STX8: variants seen among roughly 807,000 people sequenced by gnomAD.
The protein encoded by STX8 is syntaxin 8, also known as syntaxin-8.
STX8 carries 23 observed loss-of-function variants against 37.5 expected under a neutral mutation model. The observed-to-expected ratio is 0.61, with a 90% CI of 0.44 to 0.87. The LOEUF (loss-of-function observed/expected upper bound fraction) is 0.87. Ranked by LOEUF, STX8 falls within the 40% of genes least tolerant of loss-of-function variation. The probability of loss-of-function intolerance (pLI) is 0.00; values close to 1 mark genes in which losing one functional copy is unlikely to be tolerated. For synonymous variants in STX8, 115 were observed against 99.1 expected (o/e 1.16, Z -0.95); for missense variants, 313 against 284.7 (o/e 1.10, Z -0.71).
chr17:9,506,973 C>T (rs764385580), intron 4 of STX8, among the ~76,000 whole-genome samples: 1 of 151,958 alleles, frequency 6.6e-6, no homozygotes, highest in Non-Finnish European at 1.5e-5. Flanking sequence ...ACCCAGGGCT[C>T]GGGAATGGCT....
At position 9,535,740 on chromosome 17, in the gene STX8, T is replaced by C. The variant is rs571580365; in HGVS notation, c.323+9432A>G. 3.3e-5 allele frequency among the ~76,000 whole-genome samples: 5 copies of C among 152,172 alleles called. No homozygotes were observed. In the East Asian group the frequency reaches 5.8e-4, roughly 18 times the overall value. On this transcript the variant is annotated intron_variant, in intron 4 of 7. Transcript: ENST00000306357. ...AGCCATCGTGCCCATCCTCCAGCCA[T>C]CCTACTTCTAAGAACTCACCTAGAG...
chr17:9,288,624 T>C (rs1440289307), intron 7 of STX8, among the ~76,000 whole-genome samples: 2 of 152,000 alleles, frequency 1.3e-5, no homozygotes, highest in South Asian at 2.1e-4. Flanking sequence ...ATCGCGCCAC[T>C]GCACTCCAGC....
intron 7 of STX8, among the ~76,000 whole-genome samples, chr17:9,284,665 T>C (rs187922189): frequency 6.6e-6 from 1 of 152,214 alleles, no homozygotes; most frequent in African/African-American, 2.4e-5. Flanking sequence ...ACATACTTTT[T>C]GAAATAATCA....
chr17:9,298,338 G>A (rs1908641308), intron 7 of STX8, among the ~76,000 whole-genome samples: 1 of 152,128 alleles, frequency 6.6e-6, no homozygotes, highest in Non-Finnish European at 1.5e-5. Context: ...CCCAGCCCTG[G>A]CACCCACAGG....
At chr17:9,279,277 G>A (rs527256848) in intron 7 of STX8, among the ~76,000 whole-genome samples, 140 of 152,008 alleles carry the variant, frequency 9.2e-4, no homozygotes, top group African/African-American at 3.0e-3. Flanking sequence ...GGCTGGTCTC[G>A]AACTCCTGAC....
At chr17:9,526,614 G>A (rs1905579876) in intron 4 of STX8, among the ~76,000 whole-genome samples, 1 of 152,230 alleles carries the variant, frequency 6.6e-6, no homozygotes, top group African/African-American at 2.4e-5. Context: ...GCTCACGCCT[G>A]TAATCCCAGC....
chr17:9,329,828 A>G (rs150849548), intron 7 of STX8, among the ~76,000 whole-genome samples: 1 of 152,200 alleles, frequency 6.6e-6, no homozygotes, highest in Non-Finnish European at 1.5e-5. Context: ...ATGAGGGAAT[A>G]AGGCAGCTGT....
chr17:9,530,074 A>G (rs977767702), intron 4 of STX8, among the ~76,000 whole-genome samples: 2 of 152,054 alleles, frequency 1.3e-5, no homozygotes, highest in Admixed American at 6.6e-5. Flanking sequence ...TTGGGAGGCT[A>G]AGGCGGGCGG....
At chr17:9,473,813 T>A (rs1905983201) in intron 6 of STX8, among the ~76,000 whole-genome samples, 1 of 152,212 alleles carries the variant, frequency 6.6e-6, no homozygotes, top group South Asian at 2.1e-4. Context: ...GCTAGACGTG[T>A]CTTTTGTTAT....
intron 7 of STX8, among the ~76,000 whole-genome samples, chr17:9,353,941 A>T (rs1275822240): frequency 6.6e-6 from 1 of 152,202 alleles, no homozygotes; most frequent in Non-Finnish European, 1.5e-5. Context: ...AAAGGTTATA[A>T]TAAAAACCAG....
At chr17:9,488,776 A>G (rs1320996656) in intron 6 of STX8, among the ~76,000 whole-genome samples, 1 of 151,956 alleles carries the variant, frequency 6.6e-6, no homozygotes, top group Non-Finnish European at 1.5e-5. Context: ...TCTAGCCCAC[A>G]GAACTGTAAG....
intron 7 of STX8, among the ~76,000 whole-genome samples, chr17:9,305,907 G>A (rs1908968303): frequency 6.6e-6 from 1 of 151,626 alleles, no homozygotes; most frequent in Non-Finnish European, 1.5e-5. Context: ...ACCATTCCCG[G>A]CTAATTTTTG....
intron 6 of STX8, among the ~76,000 whole-genome samples, chr17:9,484,070 T>G (rs1906469106): frequency 6.6e-6 from 1 of 152,220 alleles, no homozygotes. Context: ...ATTTTCTACA[T>G]GTTCACTTCA....
At position 9,517,788 on chromosome 17, in the gene STX8, T is replaced by TA. The variant is rs11318149; in HGVS notation, c.324-12627dup. ...GGGCAACAAAGCAAGACCCCTATTGTAAAAAAAAAAAAAAAAAAAAAAAGG... is the reference window on the plus strand; with the variant it reads ...GGGCAACAAAGCAAGACCCCTATTGTAAAAAAAAAAAAAAAAAAAAAAAAGG... On this transcript the variant is annotated intron_variant, in intron 4 of 7. Transcript: ENST00000306357. Among the ~76,000 whole-genome samples the TA allele has an allele frequency of 2.6e-3, 252 of 98,724 alleles. 1 individual carries two copies. The highest frequency in any genetic ancestry group is 3.5e-3 in the Non-Finnish European group (177 of 50,514). 64.8% of individuals were successfully genotyped at this position (98,724 alleles called of 152,430 possible). A position where few individuals can be genotyped will look rare whatever the true frequency, so the allele number is the denominator to read the frequency against.
chr17:9,257,218 T>G (rs1906832954), intron 7 of STX8, among the ~76,000 whole-genome samples: 1 of 152,118 alleles, frequency 6.6e-6, no homozygotes, highest in Non-Finnish European at 1.5e-5. Flanking sequence ...CTTACAATAT[T>G]TACAAGTCCA....
chr17:9,465,454 C>G (rs975861397), intron 6 of STX8, among the ~76,000 whole-genome samples: 1 of 152,110 alleles, frequency 6.6e-6, no homozygotes, highest in Admixed American at 6.6e-5. Flanking sequence ...CTCAGTGAAC[C>G]CTGACTAGCC....
intron 6 of STX8, among the ~76,000 whole-genome samples, chr17:9,403,772 G>C (rs1253541570): frequency 6.6e-6 from 1 of 151,830 alleles, no homozygotes; most frequent in African/African-American, 2.4e-5. Context: ...TCAGCCTCCC[G>C]ACTAGCTGGG....
chr17:9,279,540 A>G (rs1310784470), intron 7 of STX8, among the ~76,000 whole-genome samples: 2 of 152,192 alleles, frequency 1.3e-5, no homozygotes, highest in Admixed American at 6.5e-5. Context: ...TCATAACAAT[A>G]AAGTTAAGGT....
chr17:9,504,487 T>C (rs1904744355), intron 5 of STX8, among the ~76,000 whole-genome samples: 1 of 152,104 alleles, frequency 6.6e-6, no homozygotes, highest in Admixed American at 6.6e-5. Context: ...AGCATCAAAT[T>C]TGCTTGGACT....
Sources: gnomAD v4.1 joint callset for allele counts (sites outside exome capture counted in the v4.1 genomes callset) on GRCh38, gnomAD v4.1.1 for gene constraint, MANE v1.5 for transcripts, NCBI Gene and HGNC (gene_info 2026-07-23, HGNC 2026-07-21) for gene names.